ANK3: variants seen among roughly 807,000 people sequenced by gnomAD.
The protein encoded by ANK3 is ankyrin 3, also known as ankyrin-3.
ANK3 carries 57 observed loss-of-function variants against 370.9 expected under a neutral mutation model. That is an observed-to-expected ratio of 0.15 (90% confidence interval 0.12 to 0.19). The LOEUF is 0.19. Among genes scored for constraint, ANK3 ranks in the 10% least tolerant of loss-of-function variants. The pLI is 1.00. For synonymous variants in ANK3, 1,929 were observed against 1,946.3 expected, an observed-to-expected ratio of 0.99 and a Z score of 0.23; for missense variants, 4,439 against 5,302.1, an observed-to-expected ratio of 0.84 and a Z score of 5.06.
chr10:60,587,167 A>G (rs1292916947), intron 2 of ANK3, among the ~76,000 whole-genome samples: 2 of 152,160 alleles, frequency 1.3e-5, no homozygotes, highest in Admixed American at 6.5e-5. Context: ...TTATAAAGCC[A>G]TCAGATCTTG....
intron 2 of ANK3, among the ~76,000 whole-genome samples, chr10:60,607,754 T>C (rs1295478547): frequency 6.6e-6 from 1 of 152,140 alleles, no homozygotes; most frequent in Non-Finnish European, 1.5e-5. Context: ...AATGCAAATC[T>C]AGCAAATAAA....
At chr10:60,213,534 C>T (rs753694430) in intron 8 of ANK3, 24 bp from the exon 9 acceptor site, 64 of 1,504,478 alleles carry the variant, frequency 4.3e-5, no homozygotes, top group Non-Finnish European at 5.7e-5. Context: ...GAAACATCAC[C>T]AATTAAATTT....
intron 1 of ANK3, among the ~76,000 whole-genome samples, chr10:60,685,879 G>T (rs1041978682): frequency 4.6e-5 from 7 of 152,074 alleles, no homozygotes; most frequent in African/African-American, 1.4e-4. Flanking sequence ...AAACACAAAA[G>T]AATGGGAGGT....
chr10:60,335,395 T>C (rs2052581218), intron 1 of ANK3, among the ~76,000 whole-genome samples: 2 of 152,158 alleles, frequency 1.3e-5, no homozygotes, highest in Admixed American at 1.3e-4. Flanking sequence ...AATTTTTTTC[T>C]GGTAGGCTTT....
intron 1 of ANK3, among the ~76,000 whole-genome samples, chr10:60,700,344 C>T (rs2079529632): frequency 1.3e-5 from 2 of 151,966 alleles, no homozygotes; most frequent in South Asian, 4.1e-4. Flanking sequence ...TTTAAAATGC[C>T]TAAATCTTAA....
intron 1 of ANK3, among the ~76,000 whole-genome samples, chr10:60,323,270 GA>G (rs2049065348): frequency 1.3e-5 from 2 of 152,292 alleles, no homozygotes; most frequent in South Asian, 2.1e-4. Context: ...AGAAGTGAAC[GA>G]GCTGGAGCAT....
intron 1 of ANK3, among the ~76,000 whole-genome samples, chr10:60,308,134 C>T (rs972952475): frequency 1.3e-5 from 2 of 152,062 alleles, no homozygotes; most frequent in Admixed American, 1.3e-4. Context: ...TTTTAAGCAG[C>T]CAATTAATCT....
At chr10:60,548,694 C>A (rs929721361) in intron 2 of ANK3, among the ~76,000 whole-genome samples, 1 of 152,072 alleles carries the variant, frequency 6.6e-6, no homozygotes, top group Admixed American at 6.6e-5. Context: ...CATTCTAATG[C>A]ATAACTAATT....
rs1448395389 is a variant in ANK3 at position 60,166,549 on chromosome 10, T to C, written c.2614+42A>G. ...AAAGATAAGAAATGAAAGATAAAGT[T>C]GGTAGTAGTTAAGTTTCATCACAAT... On this transcript the variant is annotated intron_variant, in intron 23 of 43. Transcript: ENST00000280772. 4 of 1,408,502 alleles carry C rather than the reference T, an allele frequency of 2.8e-6. No homozygotes were observed. The Admixed American group carries it at 6.8e-5, about 24-fold the overall frequency. The allele number at this position is 1,408,502 out of a possible 1,614,324, so 87.3% of individuals were successfully genotyped here.
In ANK3 at chr10:60,305,932, C is replaced by G. The variant is rs540263240; in HGVS notation, c.115-26293G>C. On this transcript the variant is annotated intron_variant, in intron 1 of 43. Coordinates refer to ENST00000280772, the MANE Select transcript of ANK3 (RefSeq NM_020987.5). ...CGGATATGGCGTTAACATTTTCCAT[C>G]TCATTTGATGACAATAATACGCCCT... is the stretch of plus-strand genomic sequence containing the variant. Among the ~76,000 whole-genome samples the G allele has an allele frequency of 3.3e-5, 5 of 152,252 alleles. No homozygotes were observed. In the East Asian group the frequency reaches 9.7e-4, roughly 29 times the overall value.
chr10:60,321,417 GA>G (rs2048643198), intron 1 of ANK3, among the ~76,000 whole-genome samples: 1 of 151,196 alleles, frequency 6.6e-6, no homozygotes, highest in Non-Finnish European at 1.5e-5. Flanking sequence ...GAAAAGAAAA[GA>G]AAAGAAAAGA....
Position 60,329,406 on chromosome 10 carries a change from C to T in ANK3, c.115-49767G>A, listed in dbSNP as rs1399355513. Among the ~76,000 whole-genome samples, 3 of 152,158 alleles carry T rather than the reference C, an allele frequency of 2.0e-5. No individual in the cohort carries two copies. The East Asian group carries it at 5.8e-4, about 29-fold the overall frequency. ...ACCCCATCATGTCAGCCCCAAATCT[C>T]CTTAAGCTGATAAGCAACTTTAGCA... On this transcript the variant is annotated intron_variant, in intron 1 of 43. Transcript: ENST00000280772.
intron 43 of ANK3, among the ~76,000 whole-genome samples, chr10:60,031,120 C>T (rs2073407554): frequency 6.6e-6 from 1 of 152,036 alleles, no homozygotes; most frequent in South Asian, 2.1e-4. Context: ...TCTCACTTCT[C>T]CAAAAATTCA....
intron 28 of ANK3, among the ~76,000 whole-genome samples, chr10:60,100,179 A>G (rs1482835853): frequency 7.1e-6 from 1 of 141,336 alleles, no homozygotes; most frequent in African/African-American, 2.7e-5. Flanking sequence ...ACATCATTCA[A>G]TTGATTTAAA....
chr10:60,519,155 G>A (rs918569559), intron 2 of ANK3, among the ~76,000 whole-genome samples: 1 of 152,140 alleles, frequency 6.6e-6, no homozygotes, highest in Non-Finnish European at 1.5e-5. Flanking sequence ...GAGCTGAGAG[G>A]AGCCCCTGGC....
chr10:60,227,238 C>A (rs1408474141), intron 8 of ANK3, among the ~76,000 whole-genome samples: 3 of 151,896 alleles, frequency 2.0e-5, no homozygotes, highest in Non-Finnish European at 4.4e-5. Flanking sequence ...ATTTTTCATT[C>A]AGAACTTTAA....
At chr10:60,312,396 T>C (rs371002623) in intron 1 of ANK3, among the ~76,000 whole-genome samples, 1 of 152,218 alleles carries the variant, frequency 6.6e-6, no homozygotes, top group East Asian at 1.9e-4. Context: ...TGTTGAATGC[T>C]AGAAATGTCT....
chr10:60,579,150 C>A (rs1364010290), intron 2 of ANK3, among the ~76,000 whole-genome samples: 2 of 151,468 alleles, frequency 1.3e-5, no homozygotes, highest in African/African-American at 4.9e-5. Context: ...CATGGTGAAA[C>A]CCCGTCTCTA....
intron 25 of ANK3, among the ~76,000 whole-genome samples, chr10:60,132,007 A>G (rs572653538): frequency 6.6e-6 from 1 of 152,276 alleles, no homozygotes; most frequent in East Asian, 1.9e-4. Context: ...GTCTCCTTAG[A>G]GTGTAGAGAA....
Sources: gnomAD v4.1 joint callset for allele counts (sites outside exome capture counted in the v4.1 genomes callset) on GRCh38, gnomAD v4.1.1 for gene constraint, MANE v1.5 for transcripts, NCBI Gene and HGNC (gene_info 2026-07-23, HGNC 2026-07-21) for gene names.